The following ANKRD28 variants were observed in gnomAD, a reference collection of about 807,000 sequenced individuals.
The protein encoded by ANKRD28 is serine/threonine-protein phosphatase 6 regulatory ankyrin repeat subunit A.
In ANKRD28, 44 loss-of-function variants were observed where a neutral mutation model predicts 126.5. The ratio of observed to expected loss-of-function variants is 0.35; its 90% CI spans 0.27 to 0.45. ANKRD28 has a LOEUF of 0.45. ANKRD28 is among the 20% of genes least tolerant of loss of function. ANKRD28 has a pLI of 1.00. For missense variants in ANKRD28, 1,110 were observed against 1,316.6 expected (o/e 0.84, Z 2.43); for synonymous variants, 442 against 468.5 (o/e 0.94, Z 0.73).
Position 15,682,313 on chromosome 3 carries a change from G to A in ANKRD28, c.2390-2750C>T, listed in dbSNP as rs574712220. Among the ~76,000 whole-genome samples the A allele has an allele frequency of 2.6e-5, 4 of 152,216 alleles. No homozygotes were observed. In the South Asian group the frequency reaches 6.2e-4, roughly 24 times the overall value. ...CAGTCAGTATCAATCCATAGTTCCTGAGACCAAAGGGTTTGAGAACCACTC... is the reference window on the plus strand; with the variant it reads ...CAGTCAGTATCAATCCATAGTTCCTAAGACCAAAGGGTTTGAGAACCACTC... On this transcript the variant is annotated intron_variant, in intron 21 of 27. Coordinates refer to ENST00000683139, the MANE Select transcript of ANKRD28 (RefSeq NM_001349278.2).
intron 18 of ANKRD28, among the ~76,000 whole-genome samples, chr3:15,686,906 T>C (rs574739541): frequency 6.6e-5 from 10 of 151,542 alleles, no homozygotes; most frequent in Non-Finnish European, 1.5e-4. Flanking sequence ...GACACCGTTG[T>C]AGAATCAACC....
chr3:15,675,890 C>A lies in ANKRD28; in HGVS notation c.2965+8G>T. The A allele has an allele frequency of 6.2e-7, 1 of 1,600,240 alleles. No individual in the cohort carries two copies. Among genetic ancestry groups the A allele is most frequent in the Non-Finnish European group, 8.5e-7 (1 of 1,170,438 alleles). On this transcript the variant is annotated splice_region_variant and intron_variant, in intron 27 of 27. Coordinates refer to ENST00000683139, the MANE Select transcript of ANKRD28 (RefSeq NM_001349278.2). ...AGGTTAAGGGAAGAGAATATAGAAC[C>A]AACTTACCATTTTCATCTACTGCAA...
intron 18 of ANKRD28, among the ~76,000 whole-genome samples, chr3:15,688,488 C>CATTGTTAAAA: frequency 6.6e-6 from 1 of 152,140 alleles, no homozygotes; most frequent in Non-Finnish European, 1.5e-5. Context: ...TGCATTTTAA[C>CATTGTTAAAA]CTCTTGTTCA....
intron 5 of ANKRD28, among the ~76,000 whole-genome samples, chr3:15,736,425 A>T (rs1205443931): frequency 6.6e-6 from 1 of 152,222 alleles, no homozygotes; most frequent in Admixed American, 6.5e-5. Context: ...ACTAGCTCCC[A>T]GCCACAGAAT....
Position 15,797,858 on chromosome 3 carries a change from T to A in ANKRD28, c.-1337A>T. On this transcript the variant is annotated 5_prime_UTR_variant, in exon 1 of 28. Transcript: ENST00000683139. ...TGAGTAGGTCCTTAAAAAATATCTA[T>A]AGAACCTCAGTATCAGTCCCACAGA... 1 of 985,378 alleles carries A rather than the reference T, an allele frequency of 1.0e-6. No homozygotes were observed. Among genetic ancestry groups the A allele is most frequent in the Non-Finnish European group, 1.2e-6 (1 of 829,936 alleles). 61.0% of individuals were successfully genotyped at this position (985,378 alleles called of 1,614,324 possible).
chr3:15,796,290 G>C lies in ANKRD28; in HGVS notation c.117+115C>G, dbSNP rs541401817. ...ACTGCATCATATCTACACACGTATTGCTTTAATTTGGGTTTGTAAAGAAAC... is the reference window on the plus strand; with the variant it reads ...ACTGCATCATATCTACACACGTATTCCTTTAATTTGGGTTTGTAAAGAAAC... On this transcript the variant is annotated intron_variant, in intron 1 of 27. Coordinates refer to ENST00000683139, the MANE Select transcript of ANKRD28 (RefSeq NM_001349278.2). The C allele has an allele frequency of 6.1e-5, 32 of 523,054 alleles. No homozygotes were observed. In the South Asian group the frequency reaches 9.1e-4, roughly 15 times the overall value. 32.4% of individuals were successfully genotyped at this position (523,054 alleles called of 1,614,324 possible).
At chr3:15,690,468 G>C (rs942601916) in intron 17 of ANKRD28, among the ~76,000 whole-genome samples, 1 of 152,212 alleles carries the variant, frequency 6.6e-6, no homozygotes, top group Non-Finnish European at 1.5e-5. Flanking sequence ...ATCTTTTCAT[G>C]AGTATACAAT....
At chr3:15,790,661 T>A (rs1002508013) in intron 2 of ANKRD28, among the ~76,000 whole-genome samples, 1 of 152,066 alleles carries the variant, frequency 6.6e-6, no homozygotes, top group African/African-American at 2.4e-5. Context: ...AAAAGCCATA[T>A]ATGACAGACC....
intron 17 of ANKRD28, among the ~76,000 whole-genome samples, chr3:15,690,598 TC>T (rs2068660273): frequency 6.6e-6 from 1 of 152,142 alleles, no homozygotes; most frequent in Non-Finnish European, 1.5e-5. Flanking sequence ...AGGGTCTTGC[TC>T]TGTTGCCCCA....
chr3:15,711,028 C>T (rs1430683451), intron 12 of ANKRD28, among the ~76,000 whole-genome samples, 183 bp downstream of exon 12: 1 of 152,030 alleles, frequency 6.6e-6, no homozygotes, highest in East Asian at 1.9e-4. Flanking sequence ...TCATAACCTA[C>T]AACTTGGCTG....
intron 1 of ANKRD28, among the ~76,000 whole-genome samples, chr3:15,829,735 G>A (rs2061148886): frequency 1.3e-5 from 2 of 151,992 alleles, no homozygotes; most frequent in Non-Finnish European, 2.9e-5. Context: ...AGCTCAAGGT[G>A]GCCGATACAG....
chr3:15,786,618 A>G (rs1281030315), intron 2 of ANKRD28, among the ~76,000 whole-genome samples: 1 of 152,152 alleles, frequency 6.6e-6, no homozygotes, highest in East Asian at 1.9e-4. Context: ...AGTTTATTAT[A>G]CATCGATTGT....
rs186975255 is a variant in ANKRD28 at position 15,748,895 on chromosome 3, A to T, written c.351+2855T>A. On this transcript the variant is annotated intron_variant, in intron 4 of 27. Transcript: ENST00000683139. ...GGAGACTTCGTTCATTTAAAAAAAA[A>T]TTTTTTTTCTTTGTCTTTGATGGAT... 5.0e-3 allele frequency among the ~76,000 whole-genome samples: 765 copies of T among 151,794 alleles called. 3 individuals carry two copies. The highest frequency in any genetic ancestry group is 0.024 in the East Asian group (126 of 5,154).
At chr3:15,736,659 C>T (rs1482196184) in intron 5 of ANKRD28, among the ~76,000 whole-genome samples, 1 of 152,284 alleles carries the variant, frequency 6.6e-6, no homozygotes, top group African/African-American at 2.4e-5. Flanking sequence ...AAAGTATTAT[C>T]TTGACTAAAT....
At chr3:15,732,632 C>G (rs192831366) in intron 6 of ANKRD28, 4 of 152,314 alleles carry the variant, frequency 2.6e-5, no homozygotes, top group African/African-American at 9.6e-5. Context: ...TACTATGCCA[C>G]AGTTAACAAC....
chr3:15,803,754 T>C lies in ANKRD28; in HGVS notation c.28-8448A>G, dbSNP rs186306156. The stretch of plus-strand genomic sequence containing the variant: ...CTTAAGCAACCAGTGCTTATTGGAG[T>C]TTAAGAAATTTGGGACTTTTTTAGT... On this transcript the variant is annotated intron_variant, in intron 1 of 27. Transcript: ENST00000399451. Among the ~76,000 whole-genome samples the C allele has an allele frequency of 2.5e-4, 37 of 146,372 alleles. 11 individuals carry two copies. In the East Asian group the frequency reaches 9.9e-3, roughly 39 times the overall value.
intron 17 of ANKRD28, among the ~76,000 whole-genome samples, chr3:15,694,131 T>C (rs2069190026): frequency 6.6e-6 from 1 of 152,124 alleles, no homozygotes; most frequent in South Asian, 2.1e-4. Context: ...AGGATCTACT[T>C]GAAATTTAAG....
At chr3:15,777,701 T>C (rs2059345736) in intron 2 of ANKRD28, among the ~76,000 whole-genome samples, 1 of 152,052 alleles carries the variant, frequency 6.6e-6, no homozygotes, top group African/African-American at 2.4e-5. Context: ...ACAAAACACA[T>C]GTGTACCCGA....
upstream of ANKRD28, among the ~76,000 whole-genome samples, chr3:15,799,754 C>G (rs1004544871): frequency 3.3e-5 from 5 of 151,980 alleles, no homozygotes; most frequent in Non-Finnish European, 7.4e-5. Flanking sequence ...CATCCTGTTT[C>G]TTGTTCTAAG....
Sources: gnomAD v4.1 joint callset for allele counts (sites outside exome capture counted in the v4.1 genomes callset) on GRCh38, gnomAD v4.1.1 for gene constraint, MANE v1.5 for transcripts, NCBI Gene and HGNC (gene_info 2026-07-23, HGNC 2026-07-21) for gene names.